The following MNAT1 variants were observed in gnomAD, a reference collection of about 807,000 sequenced individuals.
MNAT1 encodes the protein CDK-activating kinase assembly factor MAT1.
Under a neutral mutation model 42.0 loss-of-function variants are expected in MNAT1, and 43 were observed. The ratio of observed to expected loss-of-function variants is 1.02; its 90% CI spans 0.80 to 1.32. The LOEUF is 1.32. Ranked by LOEUF, MNAT1 falls within the 40% of genes most tolerant of loss-of-function variation. The probability of loss-of-function intolerance (pLI) is 0.00; values close to 1 mark genes in which losing one functional copy is unlikely to be tolerated. For missense variants in MNAT1, 306 were observed against 350.4 expected, an observed-to-expected ratio of 0.87 and a Z score of 1.01; for synonymous variants, 118 against 120.0, an observed-to-expected ratio of 0.98 and a Z score of 0.11.
intron 1 of MNAT1, among the ~76,000 whole-genome samples, chr14:60,742,088 AT>A (rs1011638569): frequency 2.0e-5 from 3 of 149,238 alleles, no homozygotes; most frequent in East Asian, 3.9e-4. Context: ...ATTTATTTTT[AT>A]TTTTTTTTAA....
chr14:60,787,292 C>T lies in MNAT1; in HGVS notation c.90-8925C>T, dbSNP rs540709867. ...GTATGAAAGTTATGTTTACACTATA[C>T]TGTAGTATATTAAGTGTACAATATC... On this transcript the variant is annotated intron_variant, in intron 1 of 7. Transcript: ENST00000261245. Among the ~76,000 whole-genome samples the T allele has an allele frequency of 2.6e-5, 4 of 152,278 alleles. No homozygotes were observed. In the South Asian group the frequency reaches 8.3e-4, roughly 32 times the overall value.
intron 7 of MNAT1, among the ~76,000 whole-genome samples, chr14:60,922,145 A>G (rs2035674743): frequency 6.6e-6 from 1 of 152,186 alleles, no homozygotes; most frequent in African/African-American, 2.4e-5. Flanking sequence ...TGACTTTTAC[A>G]TTACTAAATT....
chr14:60,934,400 A>G (rs948645360), intron 7 of MNAT1, among the ~76,000 whole-genome samples: 2 of 152,110 alleles, frequency 1.3e-5, no homozygotes, highest in Non-Finnish European at 2.9e-5. Flanking sequence ...TGACCATGAT[A>G]TGGTTTGGCT....
At chr14:60,878,031 T>G (rs2034470907) in intron 6 of MNAT1, among the ~76,000 whole-genome samples, 1 of 152,084 alleles carries the variant, frequency 6.6e-6, no homozygotes, top group Admixed American at 6.6e-5. Context: ...AGAATAATTT[T>G]ATTAGCTTTC....
At chr14:60,874,545 TTCTA>T (rs759045009) in intron 6 of MNAT1, among the ~76,000 whole-genome samples, 4 of 152,140 alleles carry the variant, frequency 2.6e-5, no homozygotes, top group South Asian at 2.1e-4. Flanking sequence ...CCCCTTGATA[TTCTA>T]TCTTTTTTTC....
At chr14:60,800,430 G>T (rs866664296) in intron 3 of MNAT1, among the ~76,000 whole-genome samples, 1 of 152,120 alleles carries the variant, frequency 6.6e-6, no homozygotes, top group Non-Finnish European at 1.5e-5. Context: ...TGTAGTCCCA[G>T]CTACTTGGGA....
At chr14:60,874,250 C>A (rs2034389633) in intron 6 of MNAT1, among the ~76,000 whole-genome samples, 1 of 152,090 alleles carries the variant, frequency 6.6e-6, no homozygotes, top group African/African-American at 2.4e-5. Context: ...TTCAAATTAG[C>A]CTTGGAGTAT....
chr14:60,746,119 C>T (rs1483924014), intron 1 of MNAT1, among the ~76,000 whole-genome samples: 1 of 152,138 alleles, frequency 6.6e-6, no homozygotes, highest in East Asian at 1.9e-4. Context: ...CATAGACTAG[C>T]GAGTTATAGG....
At chr14:60,899,244 A>G (rs1197256876) in intron 7 of MNAT1, among the ~76,000 whole-genome samples, 1 of 152,206 alleles carries the variant, frequency 6.6e-6, no homozygotes, top group Non-Finnish European at 1.5e-5. Context: ...TTATGTTGAC[A>G]TAACTGGCAT....
chr14:60,966,167 C>T (rs1488996292), intron 7 of MNAT1, among the ~76,000 whole-genome samples: 2 of 152,068 alleles, frequency 1.3e-5, no homozygotes, highest in African/African-American at 4.8e-5. Context: ...CACTCTGTTG[C>T]CCAGGCTGGA....
intron 7 of MNAT1, among the ~76,000 whole-genome samples, chr14:60,920,853 ACAAT>A (rs755448145): frequency 4.6e-5 from 7 of 152,176 alleles, no homozygotes; most frequent in Non-Finnish European, 1.0e-4. Flanking sequence ...AAAAGGAAAA[ACAAT>A]CAGGAGATTG....
chr14:60,806,720 A>G (rs1434006996), intron 3 of MNAT1, among the ~76,000 whole-genome samples: 1 of 152,176 alleles, frequency 6.6e-6, no homozygotes, highest in Non-Finnish European at 1.5e-5. Context: ...AATCCAAGCT[A>G]CTTGGGAGGC....
At chr14:60,884,320 A>T (rs1456643635) in intron 7 of MNAT1, among the ~76,000 whole-genome samples, 1 of 151,928 alleles carries the variant, frequency 6.6e-6, no homozygotes, top group Admixed American at 6.6e-5. Flanking sequence ...AGTTGAAGTG[A>T]TCATATGGTT....
chr14:60,957,617 C>A (rs2036509083), intron 7 of MNAT1, among the ~76,000 whole-genome samples: 1 of 152,106 alleles, frequency 6.6e-6, no homozygotes. Context: ...AACAGCCGAA[C>A]CATATCATTC....
intron 1 of MNAT1, among the ~76,000 whole-genome samples, chr14:60,789,467 C>A (rs570441841): frequency 6.6e-6 from 1 of 152,120 alleles, no homozygotes; most frequent in African/African-American, 2.4e-5. Flanking sequence ...TCCATGGCAG[C>A]GTTGCCACAA....
chr14:60,773,180 G>GC (rs2031126359), intron 1 of MNAT1, among the ~76,000 whole-genome samples: 1 of 152,054 alleles, frequency 6.6e-6, no homozygotes, highest in African/African-American at 2.4e-5. Flanking sequence ...CTCGTGACCT[G>GC]CCCGCCTTTG....
intron 1 of MNAT1, among the ~76,000 whole-genome samples, chr14:60,773,902 A>T (rs2031155705): frequency 6.6e-6 from 1 of 152,220 alleles, no homozygotes; most frequent in African/African-American, 2.4e-5. Flanking sequence ...TAGAAGCAAA[A>T]CTGGAGCTTT....
chr14:60,967,076 T>G (rs148130640), intron 7 of MNAT1, among the ~76,000 whole-genome samples: 288 of 152,294 alleles, frequency 1.9e-3, no homozygotes, highest in African/African-American at 6.8e-3. Flanking sequence ...AGTTAAAACC[T>G]TGATTTGTGG....
At chr14:60,780,309 A>C in intron 1 of MNAT1, 1 of 1,533,412 alleles carries the variant, frequency 6.5e-7, no homozygotes, top group Non-Finnish European at 9.0e-7. Flanking sequence ...AAGACTGCAA[A>C]AGATGACAGT....
Sources: gnomAD v4.1 joint callset for allele counts (sites outside exome capture counted in the v4.1 genomes callset) on GRCh38, gnomAD v4.1.1 for gene constraint, MANE v1.5 for transcripts, NCBI Gene and HGNC (gene_info 2026-07-23, HGNC 2026-07-21) for gene names.